KLF12: variants seen among roughly 807,000 people sequenced by gnomAD.
KLF12 encodes Krueppel-like factor 12.
Under a neutral mutation model 37.8 loss-of-function variants are expected in KLF12, and 9 were observed. The observed-to-expected ratio is 0.24, with a 90% CI of 0.14 to 0.42. The LOEUF is 0.42. Among genes scored for constraint, KLF12 ranks in the 10% least tolerant of loss-of-function variants. The pLI is 1.00. For missense variants in KLF12, 411 were observed against 516.0 expected (o/e 0.80, Z 1.97); for synonymous variants, 208 against 202.1 (o/e 1.03, Z -0.25).
At chr13:74,159,094 C>T in the KLF12 span, among the ~76,000 whole-genome samples, 1 of 152,064 alleles carries the variant, frequency 6.6e-6, no homozygotes, top group African/African-American at 2.4e-5. Context: ...TGAGGCAGAG[C>T]TAAGATCAGA....
intron 6 of KLF12, among the ~76,000 whole-genome samples, chr13:73,746,810 CTTTTTTTTTT>C (rs776746904): frequency 8.3e-6 from 1 of 119,858 alleles, no homozygotes; most frequent in Non-Finnish European, 1.7e-5. Flanking sequence ...TCCCTCCCTC[CTTTTTTTTTT>C]TTTTTTTTTT....
At chr13:73,722,093 T>C (rs1876308739) in intron 6 of KLF12, among the ~76,000 whole-genome samples, 1 of 152,170 alleles carries the variant, frequency 6.6e-6, no homozygotes. Context: ...TTGTACTGTT[T>C]CTAAGGTTTC....
At chr13:74,189,681 T>C in the KLF12 span, among the ~76,000 whole-genome samples, 2 of 152,356 alleles carry the variant, frequency 1.3e-5, no homozygotes, top group Non-Finnish European at 2.9e-5. Context: ...ATTTCTGGTG[T>C]ATCTTTCCAG....
At chr13:74,020,777 G>GCTACTCGGGA (rs1892821767) in intron 1 of KLF12, among the ~76,000 whole-genome samples, 1 of 151,954 alleles carries the variant, frequency 6.6e-6, no homozygotes, top group Admixed American at 6.6e-5. Flanking sequence ...TGTAGTCCCA[G>GCTACTCGGGA]CTACTCGGGA....
At chr13:74,214,948 C>T in the KLF12 span, among the ~76,000 whole-genome samples, 1 of 152,012 alleles carries the variant, frequency 6.6e-6, no homozygotes, top group Non-Finnish European at 1.5e-5. Flanking sequence ...GTGCACACCA[C>T]CACACCTGGC....
chr13:74,225,856 G>C, the KLF12 span, among the ~76,000 whole-genome samples: 1 of 152,186 alleles, frequency 6.6e-6, no homozygotes, highest in African/African-American at 2.4e-5. Context: ...GAAGAGGAAA[G>C]AGGGCATGTG....
the KLF12 span, among the ~76,000 whole-genome samples, chr13:74,245,342 A>ATCG: frequency 7.0e-6 from 1 of 143,872 alleles, no homozygotes; most frequent in East Asian, 2.0e-4. Flanking sequence ...TCTATCTATC[A>ATCG]TCTACAACAT....
Position 73,995,002 on chromosome 13 carries a change from T to C in KLF12, c.21A>G (p.Arg7=), listed in dbSNP as rs1892068348. 6.2e-7 allele frequency: 1 copy of C among 1,603,688 alleles called. No individual in the cohort carries two copies. Residue 7 remains arginine, a synonymous_variant, in exon 2 of 8, where the codon AGA becomes AGG. Transcript: ENST00000377669. ...CTGACTAACCAACCTTTATTGTTTTTCTCTTCATATGGATATTCATTCATC... is the reference window on the plus strand; with the variant it reads ...CTGACTAACCAACCTTTATTGTTTTCCTCTTCATATGGATATTCATTCATC...
At chr13:74,302,051 T>G in the KLF12 span, among the ~76,000 whole-genome samples, 243 of 152,260 alleles carry the variant, frequency 1.6e-3, no homozygotes, top group African/African-American at 5.2e-3. Context: ...AGGATGTTTT[T>G]GGTTTGGGGT....
intron 6 of KLF12, among the ~76,000 whole-genome samples, chr13:73,748,732 GCTC>G (rs1326174621): frequency 6.6e-6 from 1 of 152,134 alleles, no homozygotes; most frequent in Non-Finnish European, 1.5e-5. Flanking sequence ...AATATGTGGA[GCTC>G]TGGGAGATAT....
At chr13:74,160,811 G>A in the KLF12 span, among the ~76,000 whole-genome samples, 3 of 152,186 alleles carry the variant, frequency 2.0e-5, no homozygotes, top group Non-Finnish European at 4.4e-5. Context: ...GCCGGGTTTG[G>A]CCTGCTCTAG....
chr13:73,994,248 T>C lies in KLF12; in HGVS notation c.33+742A>G, dbSNP rs532282029. ...TGGGAAGGAAAATATGAAATTGTAT[T>C]GCTGAGCAGCTACATGAGGAATTAT... On this transcript the variant is annotated intron_variant, in intron 2 of 7. Transcript: ENST00000377669. 2.6e-5 allele frequency among the ~76,000 whole-genome samples: 4 copies of C among 152,310 alleles called. No individual in the cohort carries two copies. The East Asian group carries it at 7.7e-4, about 29-fold the overall frequency.
chr13:74,127,411 G>C (rs1878001583), intron 1 of KLF12, among the ~76,000 whole-genome samples: 1 of 152,188 alleles, frequency 6.6e-6, no homozygotes. Flanking sequence ...AACACCAGAA[G>C]GAATACTATG....
At chr13:74,270,287 CA>C in the KLF12 span, among the ~76,000 whole-genome samples, 1 of 152,090 alleles carries the variant, frequency 6.6e-6, no homozygotes, top group Non-Finnish European at 1.5e-5. Context: ...CTGGCCATGT[CA>C]AAAAGACCAG....
At chr13:74,305,905 G>C in the KLF12 span, among the ~76,000 whole-genome samples, 1 of 152,150 alleles carries the variant, frequency 6.6e-6, no homozygotes, top group Non-Finnish European at 1.5e-5. Flanking sequence ...TTCAGAGATA[G>C]TAAAATAGAC....
intron 2 of KLF12, among the ~76,000 whole-genome samples, chr13:73,963,121 A>C (rs1380861194): frequency 1.3e-5 from 2 of 152,180 alleles, no homozygotes; most frequent in Non-Finnish European, 2.9e-5. Flanking sequence ...GCAGTAAAGA[A>C]AATTGCTATC....
the KLF12 span, among the ~76,000 whole-genome samples, chr13:74,294,769 T>C: frequency 2.0e-5 from 3 of 152,112 alleles, no homozygotes; most frequent in African/African-American, 7.2e-5. Context: ...GAAATATTTC[T>C]CTCTTCTCCA....
intron 7 of KLF12, among the ~76,000 whole-genome samples, chr13:73,701,158 G>T (rs1874525766): frequency 6.6e-6 from 1 of 152,180 alleles, no homozygotes; most frequent in East Asian, 1.9e-4. Flanking sequence ...GAAAAGAGTT[G>T]GCTGGGACAA....
chr13:74,025,665 G>GT (rs1892959074), intron 1 of KLF12, among the ~76,000 whole-genome samples: 2 of 152,140 alleles, frequency 1.3e-5, no homozygotes, highest in South Asian at 4.1e-4. Context: ...ATATACTGAG[G>GT]TAAGAAAGGT....
Sources: gnomAD v4.1 joint callset for allele counts (sites outside exome capture counted in the v4.1 genomes callset) on GRCh38, gnomAD v4.1.1 for gene constraint, MANE v1.5 for transcripts, NCBI Gene and HGNC (gene_info 2026-07-23, HGNC 2026-07-21) for gene names.